The following PHF24 variants were observed in gnomAD, a reference collection of about 807,000 sequenced individuals.
PHF24 encodes PHD finger protein 24, also known as Galpha inhibitory interacting protein.
A neutral mutation model predicts 42.6 loss-of-function variants in PHF24; 25 were observed. That is an observed-to-expected ratio of 0.59 (90% CI 0.43 to 0.82). The LOEUF (loss-of-function observed/expected upper bound fraction) is 0.82. Among genes scored for constraint, PHF24 ranks in the 40% least tolerant of loss-of-function variants. The probability of loss-of-function intolerance (pLI) is 0.00; values close to 1 mark genes in which losing one functional copy is unlikely to be tolerated. For missense variants in PHF24, 470 were observed against 538.1 expected (o/e 0.87, Z 1.25); for synonymous variants, 185 against 204.8 (o/e 0.90, Z 0.83).
the PHF24 span, among the ~76,000 whole-genome samples, chr9:34,689,200 C>T: frequency 1.3e-5 from 2 of 152,072 alleles, no homozygotes; most frequent in Non-Finnish European, 2.9e-5. The surrounding 1 kb of genome is among the most constrained non-coding windows in gnomAD (Gnocchi z 4.1). Context: ...CCCCCAGTGA[C>T]ACTGGATTCC....
the PHF24 span, among the ~76,000 whole-genome samples, chr9:34,898,536 C>T: frequency 6.6e-6 from 1 of 152,056 alleles, no homozygotes; most frequent in Non-Finnish European, 1.5e-5. Flanking sequence ...CATCATCTGC[C>T]CTGAACTTGC....
At chr9:34,800,754 A>G in the PHF24 span, among the ~76,000 whole-genome samples, 1 of 152,232 alleles carries the variant, frequency 6.6e-6, no homozygotes, top group Non-Finnish European at 1.5e-5. Context: ...GGACCTAGGC[A>G]TGGGCAAAGG....
chr9:34,816,995 A>G, the PHF24 span, among the ~76,000 whole-genome samples: 1 of 152,206 alleles, frequency 6.6e-6, no homozygotes, highest in African/African-American at 2.4e-5. Flanking sequence ...AAACTTTAAA[A>G]TGATCCTCTC....
chr9:34,850,531 T>A, the PHF24 span, among the ~76,000 whole-genome samples: 1 of 152,234 alleles, frequency 6.6e-6, no homozygotes, highest in African/African-American at 2.4e-5. Flanking sequence ...TTTCAACTTC[T>A]TTGTCTTTGT....
the PHF24 span, among the ~76,000 whole-genome samples, chr9:34,799,241 C>A: frequency 1.3e-5 from 2 of 152,072 alleles, no homozygotes; most frequent in Admixed American, 1.3e-4. Context: ...ATATTCTGGG[C>A]ACTTGGGCTT....
At chr9:34,857,299 G>A in the PHF24 span, among the ~76,000 whole-genome samples, 1 of 152,284 alleles carries the variant, frequency 6.6e-6, no homozygotes, top group African/African-American at 2.4e-5. Flanking sequence ...CATTCCTAGG[G>A]GAGTGCACGG....
At chr9:34,723,521 G>A in the PHF24 span, 26 of 1,551,694 alleles carry the variant, frequency 1.7e-5, no homozygotes, top group South Asian at 1.8e-4. Flanking sequence ...GGCCACCTTC[G>A]CAGCGGCTGA....
the PHF24 span, among the ~76,000 whole-genome samples, chr9:34,801,683 C>T: frequency 7.2e-5 from 11 of 151,916 alleles, no homozygotes; most frequent in South Asian, 1.0e-3. Flanking sequence ...GCTGAGGTCG[C>T]GCCACTGCAC....
At chr9:34,979,306 G>C (rs965361472) in exon 8 of PHF24, 1 of 152,288 alleles carries the variant, frequency 6.6e-6, no homozygotes, top group African/African-American at 2.4e-5. Context: ...TTGAGTGGCT[G>C]CTTCTCCTCA....
At chr9:34,761,890 C>T in the PHF24 span, among the ~76,000 whole-genome samples, 1 of 152,116 alleles carries the variant, frequency 6.6e-6, no homozygotes. Context: ...TGCTCCCCTT[C>T]CTGTGTCCAT....
At chr9:34,787,235 T>A in the PHF24 span, among the ~76,000 whole-genome samples, 3 of 152,162 alleles carry the variant, frequency 2.0e-5, no homozygotes, top group East Asian at 5.8e-4. Flanking sequence ...ACAAAGAAAC[T>A]AATAAATTTT....
chr9:34,887,829 T>C, the PHF24 span, among the ~76,000 whole-genome samples: 21 of 151,836 alleles, frequency 1.4e-4, no homozygotes, highest in African/African-American at 4.8e-4. Context: ...AGAGAGCAGA[T>C]TTTTTTTTCC....
chr9:34,708,981 A>ACT, the PHF24 span: 1 of 184,622 alleles, frequency 5.4e-6, no homozygotes, highest in Non-Finnish European at 1.1e-5. Flanking sequence ...ATCTCGGTGG[A>ACT]CATAAACACA....
At chr9:34,888,783 G>A in the PHF24 span, among the ~76,000 whole-genome samples, 3 of 152,058 alleles carry the variant, frequency 2.0e-5, no homozygotes, top group African/African-American at 7.2e-5. Flanking sequence ...TTATACTGTC[G>A]CCATGTCCAC....
the PHF24 span, among the ~76,000 whole-genome samples, chr9:34,897,731 T>G: frequency 6.6e-6 from 1 of 152,162 alleles, no homozygotes; most frequent in African/African-American, 2.4e-5. Context: ...GTTACATGAG[T>G]AAGTTCTTTA....
the PHF24 span, among the ~76,000 whole-genome samples, chr9:34,862,178 G>T: frequency 1.2e-4 from 19 of 152,084 alleles, no homozygotes; most frequent in Non-Finnish European, 2.5e-4. Context: ...ACCACCACAG[G>T]CTTAAGTGTT....
the PHF24 span, chr9:34,690,291 G>A: frequency 6.2e-7 from 1 of 1,614,088 alleles, no homozygotes; most frequent in East Asian, 2.2e-5. Flanking sequence ...GGGTTTCTGG[G>A]TCACAGACAG....
chr9:34,835,158 G>T, the PHF24 span: 11 of 1,548,252 alleles, frequency 7.1e-6, no homozygotes, highest in Admixed American at 5.9e-5. Flanking sequence ...CTTTGTTCTG[G>T]GTTCATTGTG....
At chr9:34,879,588 G>A in the PHF24 span, among the ~76,000 whole-genome samples, 12 of 152,234 alleles carry the variant, frequency 7.9e-5, no homozygotes, top group Admixed American at 7.9e-4. Flanking sequence ...TCGATCAAGT[G>A]GAAGAAAAGG....
Sources: allele counts gnomAD v4.1 joint callset (sites outside exome capture counted in the v4.1 genomes callset), GRCh38; gene constraint gnomAD v4.1.1; non-coding constraint Gnocchi (gnomAD v3.1); transcripts MANE v1.5; gene names NCBI Gene and HGNC (gene_info 2026-07-23, HGNC 2026-07-21).